The following EVL variants were observed in gnomAD, a reference collection of about 807,000 sequenced individuals.
EVL encodes ena/VASP-like protein.
In EVL, 21 loss-of-function variants were observed where a neutral mutation model predicts 59.6. That is an observed-to-expected ratio of 0.35 (90% CI 0.25 to 0.51). The LOEUF (loss-of-function observed/expected upper bound fraction) is 0.51. Among genes scored for constraint, EVL ranks in the 20% least tolerant of loss-of-function variants. EVL has a pLI of 0.97. For missense variants in EVL, 462 were observed against 546.6 expected, an observed-to-expected ratio of 0.85 and a Z score of 1.54; for synonymous variants, 198 against 203.5, an observed-to-expected ratio of 0.97 and a Z score of 0.23.
At chr14:100,051,523 A>T (rs894851454) in intron 1 of EVL, among the ~76,000 whole-genome samples, 11 of 152,172 alleles carry the variant, frequency 7.2e-5, no homozygotes, top group African/African-American at 2.7e-4. Flanking sequence ...CTTTTTACTT[A>T]TAACAGCATT....
intron 2 of EVL, among the ~76,000 whole-genome samples, chr14:100,090,882 C>G (rs1419358272): frequency 6.6e-6 from 1 of 152,144 alleles, no homozygotes. Flanking sequence ...TTCACTCTCA[C>G]CTCTTTGATT....
intron 3 of EVL, chr14:100,107,989 C>T (rs555806406): frequency 4.6e-5 from 7 of 152,306 alleles, no homozygotes; most frequent in Non-Finnish European, 1.0e-4. Flanking sequence ...TTCTCTTTGG[C>T]TCTTGGAGCA....
At chr14:100,101,919 A>G (rs1441510162) in intron 3 of EVL, among the ~76,000 whole-genome samples, 4 of 151,924 alleles carry the variant, frequency 2.6e-5, no homozygotes, top group Non-Finnish European at 5.9e-5. Context: ...GCTTATTGCA[A>G]CCTCTGCCTC....
In EVL at chr14:100,137,647, G is replaced by A. The variant is rs777509990; in HGVS notation, c.1031+3G>A. On this transcript the variant is annotated splice_donor_region_variant and intron_variant, in intron 10 of 13. Transcript: ENST00000392920. ...CCTGTGTCCTCGATTCTGTCCAGGT[G>A]AGCTGCCCCAGGAAGGCCTGAGCAG... The A allele has an allele frequency of 1.1e-5, 17 of 1,614,022 alleles. No individual in the cohort carries two copies. Among genetic ancestry groups the A allele is most frequent in the South Asian group, 1.1e-5 (1 of 91,092 alleles).
At chr14:99,989,789 A>G (rs2060863713) in intron 1 of EVL, among the ~76,000 whole-genome samples, 1 of 152,188 alleles carries the variant, frequency 6.6e-6, no homozygotes, top group South Asian at 2.1e-4. Flanking sequence ...CACTCAGTAA[A>G]TATCTGTTAA....
Position 100,143,805 on chromosome 14 carries a change from C to T in EVL, c.*67C>T. On this transcript the variant is annotated 3_prime_UTR_variant, in exon 14 of 14. Transcript: ENST00000392920. ...GACAGAGGACAGCCAGAAGCCCAGCCAGCCCCAGACTCCAGTGCACCAGAG... is the reference window on the plus strand; with the variant it reads ...GACAGAGGACAGCCAGAAGCCCAGCTAGCCCCAGACTCCAGTGCACCAGAG... 6.4e-7 allele frequency: 1 copy of T among 1,570,870 alleles called. No homozygotes were observed. The highest frequency in any genetic ancestry group is 8.7e-7 in the Non-Finnish European group (1 of 1,154,870).
intron 1 of EVL, among the ~76,000 whole-genome samples, chr14:99,999,536 G>T (rs2060933191): frequency 6.6e-6 from 1 of 152,200 alleles, no homozygotes; most frequent in South Asian, 2.1e-4. Context: ...GGTGGCTCCT[G>T]TCTATAATCA....
intron 1 of EVL, among the ~76,000 whole-genome samples, chr14:100,042,744 A>G (rs1160489555): frequency 2.0e-5 from 3 of 152,220 alleles, no homozygotes; most frequent in Non-Finnish European, 4.4e-5. Flanking sequence ...ACGTTTGTGG[A>G]GGCTAAAGCC....
At chr14:100,093,963 T>C (rs1039219509) in intron 2 of EVL, among the ~76,000 whole-genome samples, 5 of 152,232 alleles carry the variant, frequency 3.3e-5, no homozygotes, top group East Asian at 3.8e-4. Flanking sequence ...TTGTTGTTAA[T>C]CTCTGACTAT....
chr14:99,991,344 TTTTCTA>T (rs1340588802), intron 1 of EVL, among the ~76,000 whole-genome samples: 8 of 152,230 alleles, frequency 5.3e-5, no homozygotes, highest in African/African-American at 1.9e-4. Flanking sequence ...ATCTGATTGA[TTTTCTA>T]TGTGAAAATA....
rs889830327 is a variant in EVL at position 100,015,120 on chromosome 14, G to A, written c.5+43063G>A. ...GCTGTGTGCCCCACAGCCTAAAAAA[G>A]TGGCAGAGGAAATGTTGATTGTAAG... is the stretch of plus-strand genomic sequence containing the variant. On this transcript the variant is annotated intron_variant, in intron 1 of 13. Coordinates refer to the EVL transcript ENST00000402714. Among the ~76,000 whole-genome samples the A allele has an allele frequency of 2.6e-5, 4 of 152,308 alleles. No individual in the cohort carries two copies. The South Asian group carries it at 8.3e-4, about 32-fold the overall frequency.
intron 1 of EVL, among the ~76,000 whole-genome samples, chr14:100,050,317 CT>C (rs1310127111): frequency 2.0e-5 from 3 of 150,770 alleles, no homozygotes; most frequent in Non-Finnish European, 4.4e-5. Context: ...CGTGTCCTTG[CT>C]TTTTTAAAAA....
At chr14:100,123,691 C>A in intron 4 of EVL, 89 bp downstream of exon 4, 2 of 1,341,254 alleles carry the variant, frequency 1.5e-6, no homozygotes, top group Non-Finnish European at 1.1e-6. Flanking sequence ...GATGCACCAG[C>A]AGCCAAGGCC....
intron 3 of EVL, among the ~76,000 whole-genome samples, chr14:100,110,541 G>A (rs1886900192): frequency 6.6e-6 from 1 of 152,096 alleles, no homozygotes; most frequent in Non-Finnish European, 1.5e-5. Context: ...GGGGTGAATG[G>A]GGGGATCTGA....
intron 3 of EVL, among the ~76,000 whole-genome samples, chr14:100,121,342 G>T (rs1261433103): frequency 6.6e-6 from 1 of 152,188 alleles, no homozygotes; most frequent in Non-Finnish European, 1.5e-5. Context: ...AGGAGTAAGG[G>T]GGCGATGGGA....
At chr14:100,115,053 AAAAC>A (rs1222916631) in intron 3 of EVL, among the ~76,000 whole-genome samples, 2 of 152,122 alleles carry the variant, frequency 1.3e-5, no homozygotes, top group African/African-American at 4.8e-5. Flanking sequence ...CACAAAAAAA[AAAAC>A]AATGCAGTTA....
rs1888371641 is a variant in EVL, at chr14:100,130,578, C to T, written c.839+894C>T. ...CCAGCTGCCTTCCAATTGGCTGACC[C>T]AAGTGAGAACTCTGTGTGCCCAGGG... On this transcript the variant is annotated intron_variant, in intron 7 of 13. Transcript: ENST00000392920. This position sits in a 1 kb window ranked among gnomAD's most constrained non-coding sequence, Gnocchi z 4.8. Among the ~76,000 whole-genome samples, 1 of 152,178 alleles carries T rather than the reference C, an allele frequency of 6.6e-6. No individual in the cohort carries two copies. The highest frequency in any genetic ancestry group is 2.4e-5 in the African/African-American group (1 of 41,436).
In EVL at chr14:100,092,743, CAA is replaced by C. The variant is rs766799884; in HGVS notation, c.181-4736_181-4735del. Among the ~76,000 whole-genome samples, 119 of 151,354 alleles carry C rather than the reference CAA, an allele frequency of 7.9e-4. 1 individual carries two copies. The highest frequency in any genetic ancestry group is 1.5e-3 in the South Asian group (7 of 4,820). ...GGAGCGAAACTCCATCTCAAAAAAA[CAA>C]ACAAACAAACAAAAAGAATGAAATA... On this transcript the variant is annotated intron_variant, in intron 2 of 13. Coordinates refer to ENST00000392920, the MANE Select transcript of EVL (RefSeq NM_016337.3).
At chr14:99,996,644 C>G (rs189440807) in intron 1 of EVL, among the ~76,000 whole-genome samples, 14 of 152,228 alleles carry the variant, frequency 9.2e-5, no homozygotes, top group African/African-American at 3.1e-4. Context: ...TTACTACTCT[C>G]TTTTCCCCCT....
Sources: gnomAD v4.1 joint callset for allele counts (sites outside exome capture counted in the v4.1 genomes callset) on GRCh38, gnomAD v4.1.1 for gene constraint, Gnocchi (gnomAD v3.1) non-coding constraint, MANE v1.5 for transcripts, NCBI Gene and HGNC (gene_info 2026-07-23, HGNC 2026-07-21) for gene names.